SPRED1: variants seen among roughly 807,000 people sequenced by gnomAD.
SPRED1 encodes the protein sprouty related EVH1 domain containing 1.
In SPRED1, 18 loss-of-function variants were observed where a neutral mutation model predicts 52.3. The ratio of observed to expected loss-of-function variants is 0.34; its 90% CI spans 0.24 to 0.51. SPRED1 has a LOEUF of 0.51. SPRED1 is among the 20% of genes least tolerant of loss of function. The probability of loss-of-function intolerance (pLI) is 0.97; values close to 1 mark genes in which losing one functional copy is unlikely to be tolerated. For synonymous variants in SPRED1, 155 were observed against 179.7 expected, an observed-to-expected ratio of 0.86 and a Z score of 1.10; for missense variants, 485 against 551.0, an observed-to-expected ratio of 0.88 and a Z score of 1.20.
chr15:38,261,310 CAT>C (rs951346379), intron 1 of SPRED1, among the ~76,000 whole-genome samples: 6 of 152,168 alleles, frequency 3.9e-5, no homozygotes, highest in Non-Finnish European at 5.9e-5. Context: ...GTTCTAGAAT[CAT>C]AACTGATTTT....
chr15:38,254,155 G>C (rs927055607), intron 1 of SPRED1, among the ~76,000 whole-genome samples: 2 of 152,118 alleles, frequency 1.3e-5, no homozygotes, highest in African/African-American at 4.8e-5. Context: ...CCGTTTTCTT[G>C]TAATTAAGTT....
chr15:38,317,325 A>C (rs1895508594), intron 2 of SPRED1, among the ~76,000 whole-genome samples: 1 of 152,010 alleles, frequency 6.6e-6, no homozygotes, highest in Non-Finnish European at 1.5e-5. Context: ...CTTGTCTTAC[A>C]AAGAAGACAA....
intron 1 of SPRED1, among the ~76,000 whole-genome samples, chr15:38,280,923 A>G (rs989506589): frequency 1.3e-5 from 2 of 152,218 alleles, no homozygotes; most frequent in South Asian, 4.1e-4. Flanking sequence ...GTTATTATTT[A>G]TTCTTTTCCA....
At chr15:38,348,416 C>G (rs1009912500) in intron 5 of SPRED1, among the ~76,000 whole-genome samples, 5 of 148,548 alleles carry the variant, frequency 3.4e-5, no homozygotes, top group African/African-American at 9.8e-5. Context: ...TTTTAAAGAT[C>G]TGTGTGTGTG....
chr15:38,277,979 T>C (rs1894595771), intron 1 of SPRED1, among the ~76,000 whole-genome samples: 1 of 136,256 alleles, frequency 7.3e-6, no homozygotes, highest in South Asian at 2.6e-4. Context: ...TGCTTGTTAA[T>C]TTGTTTAAAT....
intron 1 of SPRED1, among the ~76,000 whole-genome samples, chr15:38,261,849 C>T (rs1449561301): frequency 6.6e-6 from 1 of 152,114 alleles, no homozygotes; most frequent in Admixed American, 6.5e-5. Context: ...TTTTTAATGA[C>T]TTCTATATAT....
intron 1 of SPRED1, among the ~76,000 whole-genome samples, chr15:38,260,472 C>A (rs1164056323): frequency 1.3e-5 from 2 of 152,142 alleles, no homozygotes; most frequent in African/African-American, 4.8e-5. Context: ...GGGGGAGACA[C>A]AGTTCAACCC....
At chr15:38,253,669 C>T (rs1343731962) in intron 1 of SPRED1, among the ~76,000 whole-genome samples, 1 of 151,958 alleles carries the variant, frequency 6.6e-6, no homozygotes, top group Non-Finnish European at 1.5e-5. Context: ...TTCGATGAGT[C>T]AGTGACTCTT....
chr15:38,307,530 C>A (rs1214102460), intron 2 of SPRED1, among the ~76,000 whole-genome samples: 1 of 152,258 alleles, frequency 6.6e-6, no homozygotes, highest in Non-Finnish European at 1.5e-5. Context: ...TTTATGACCT[C>A]ATTTAACCTT....
chr15:38,266,199 A>C (rs1385017395), intron 1 of SPRED1, among the ~76,000 whole-genome samples: 1 of 152,242 alleles, frequency 6.6e-6, no homozygotes, highest in African/African-American at 2.4e-5. Flanking sequence ...TTATGTATGA[A>C]TCAAAATCTT....
At chr15:38,307,113 G>A (rs1232296156) in intron 2 of SPRED1, among the ~76,000 whole-genome samples, 2 of 151,988 alleles carry the variant, frequency 1.3e-5, no homozygotes, top group Non-Finnish European at 2.9e-5. Context: ...TCAAATTATC[G>A]ACCATACTTA....
At chr15:38,337,431 T>G (rs909622546) in intron 4 of SPRED1, among the ~76,000 whole-genome samples, 1 of 152,178 alleles carries the variant, frequency 6.6e-6, no homozygotes, top group Non-Finnish European at 1.5e-5. Context: ...TTTGGTTATT[T>G]TATTCACTGA....
At chr15:38,260,284 A>G (rs376806822) in intron 1 of SPRED1, among the ~76,000 whole-genome samples, 2 of 152,186 alleles carry the variant, frequency 1.3e-5, no homozygotes, top group Non-Finnish European at 1.5e-5. Context: ...AACCTTTCAC[A>G]TTCCTGAGCT....
rs541034370 is a variant in SPRED1 at position 38,305,574 on chromosome 15, C to T, written c.207+6027C>T. 1.4e-4 allele frequency among the ~76,000 whole-genome samples: 21 copies of T among 151,784 alleles called. No homozygotes were observed. The South Asian group carries it at 2.7e-3, about 20-fold the overall frequency. Reference sequence around the variant, plus strand: ...GCTAGACAGTGCTAAGGGGAAAAAACGTAGGAAAAGGGAGTATAGGGAAGT... The same window carrying T: ...GCTAGACAGTGCTAAGGGGAAAAAATGTAGGAAAAGGGAGTATAGGGAAGT... On this transcript the variant is annotated intron_variant, in intron 2 of 6. Transcript: ENST00000299084.
intron 1 of SPRED1, among the ~76,000 whole-genome samples, chr15:38,263,251 A>G (rs563359915): frequency 2.6e-5 from 4 of 152,168 alleles, no homozygotes; most frequent in Admixed American, 6.5e-5. Flanking sequence ...CGGTTTTTTA[A>G]ATGGGAAAAT....
chr15:38,335,290 G>A (rs929330803), intron 4 of SPRED1, among the ~76,000 whole-genome samples: 13 of 151,952 alleles, frequency 8.6e-5, no homozygotes, highest in African/African-American at 3.1e-4. Flanking sequence ...GAAACCTTAA[G>A]GGGTTTTGAA....
Position 38,253,172 on chromosome 15 carries a change from A to C in SPRED1, c.-14A>C, listed in dbSNP as rs532105923. 3.4e-5 allele frequency: 54 copies of C among 1,576,552 alleles called. No individual in the cohort carries two copies. In the South Asian group the frequency reaches 6.3e-4, roughly 18 times the overall value. ...TGCTCCTCCATCTCCAGATCGGATCACGGTGAGGGAAAGATGAGCGAGGAG... is the reference window on the plus strand; with the variant it reads ...TGCTCCTCCATCTCCAGATCGGATCCCGGTGAGGGAAAGATGAGCGAGGAG... On this transcript the variant is annotated 5_prime_UTR_variant, in exon 1 of 7. Transcript: ENST00000299084.
rs1294213659 is a variant in SPRED1, at chr15:38,351,987, G to A, written c.*323G>A. 1.4e-5 allele frequency: 5 copies of A among 349,700 alleles called. No homozygotes were observed. The highest frequency in any genetic ancestry group is 6.9e-5 in the South Asian group (2 of 28,822). 21.7% of individuals were successfully genotyped at this position (349,700 alleles called of 1,614,324 possible). A position where few individuals can be genotyped will look rare whatever the true frequency, so the allele number is the denominator to read the frequency against. On this transcript the variant is annotated 3_prime_UTR_variant, in exon 7 of 7. Coordinates refer to ENST00000299084, the MANE Select transcript of SPRED1 (RefSeq NM_152594.3). ...ATTTTTGTATATTTATGCATTAGGT[G>A]ATGGGACTTTTAAAGGTTTGAATTT... is the stretch of plus-strand genomic sequence containing the variant.
chr15:38,304,035 A>G (rs1190744220), intron 2 of SPRED1, among the ~76,000 whole-genome samples: 3 of 152,222 alleles, frequency 2.0e-5, no homozygotes, highest in Admixed American at 1.3e-4. Context: ...TAATGGTTCT[A>G]TTGTTTAAAA....
Sources: gnomAD v4.1 joint callset for allele counts (sites outside exome capture counted in the v4.1 genomes callset) on GRCh38, gnomAD v4.1.1 for gene constraint, MANE v1.5 for transcripts, NCBI Gene and HGNC (gene_info 2026-07-23, HGNC 2026-07-21) for gene names.